The following HECW1 variants were observed in gnomAD, a reference collection of about 807,000 sequenced individuals.
HECW1 encodes the protein HECT, C2 and WW domain containing E3 ubiquitin protein ligase 1, also known as E3 ubiquitin-protein ligase HECW1.
A neutral mutation model predicts 182.3 loss-of-function variants in HECW1; 61 were observed. That is an observed-to-expected ratio of 0.33 (90% CI 0.27 to 0.41). The LOEUF is 0.41. Ranked by LOEUF, HECW1 falls within the 10% of genes least tolerant of loss-of-function variation. HECW1 has a pLI of 1.00. For synonymous variants in HECW1, 859 were observed against 832.6 expected (o/e 1.03, Z -0.55); for missense variants, 1,739 against 2,108.9 (o/e 0.82, Z 3.44).
chr7:43,452,010 A>G (rs1236455577), intron 12 of HECW1, among the ~76,000 whole-genome samples: 1 of 152,204 alleles, frequency 6.6e-6, no homozygotes, highest in African/African-American at 2.4e-5. Flanking sequence ...TTCAACTGTA[A>G]TTTATTGGTG....
intron 3 of HECW1, 114 bp downstream of exon 3, chr7:43,244,046 A>G: frequency 1.2e-6 from 1 of 837,676 alleles, no homozygotes; most frequent in Non-Finnish European, 2.1e-6. Flanking sequence ...CCAGCCCAGG[A>G]ATTATCTCAA....
chr7:43,342,647 C>A lies in HECW1; in HGVS notation c.461-18239C>A, dbSNP rs147756564. 1.8e-3 allele frequency among the ~76,000 whole-genome samples: 266 copies of A among 151,398 alleles called. 1 individual carries two copies. The highest frequency in any genetic ancestry group is 2.7e-3 in the South Asian group (13 of 4,826). ...ATTATAGCTTTTTTGGTTAAAATTG[C>A]TTTTCTTGGGGTTTGAGGATATAGT... On this transcript the variant is annotated intron_variant, in intron 5 of 29. Transcript: ENST00000395891.
intron 3 of HECW1, among the ~76,000 whole-genome samples, chr7:43,284,240 G>A (rs1478300438): frequency 6.6e-6 from 1 of 152,126 alleles, no homozygotes; most frequent in African/African-American, 2.4e-5. Flanking sequence ...ATTGACAAAT[G>A]AAAATCATAT....
At chr7:43,513,602 A>C (rs1352140850) in intron 24 of HECW1, among the ~76,000 whole-genome samples, 2 of 152,138 alleles carry the variant, frequency 1.3e-5, no homozygotes, top group African/African-American at 4.8e-5. Flanking sequence ...GTTGAGACAT[A>C]CGAATATGAA....
chr7:43,474,638 G>A (rs2078153788), intron 16 of HECW1, among the ~76,000 whole-genome samples: 2 of 152,120 alleles, frequency 1.3e-5, no homozygotes, highest in Admixed American at 6.5e-5. Flanking sequence ...GTAGGAAAAT[G>A]TGTTTTATAT....
At chr7:43,344,372 A>G (rs1344727177) in intron 5 of HECW1, among the ~76,000 whole-genome samples, 1 of 150,436 alleles carries the variant, frequency 6.6e-6, no homozygotes, top group Non-Finnish European at 1.5e-5. Context: ...GTTGACAGAT[A>G]TCTCCTTTCA....
chr7:43,149,136 T>G (rs1789026124), intron 2 of HECW1, among the ~76,000 whole-genome samples: 1 of 152,128 alleles, frequency 6.6e-6, no homozygotes, highest in Non-Finnish European at 1.5e-5. Context: ...TTGCATAGTA[T>G]CAATGTATCT....
chr7:43,319,517 C>T (rs1337571603), intron 4 of HECW1, among the ~76,000 whole-genome samples: 2 of 148,728 alleles, frequency 1.3e-5, no homozygotes, highest in African/African-American at 4.9e-5. Flanking sequence ...TCAGTGCTCT[C>T]CTGACCACCC....
chr7:43,416,268 G>A (rs2075991579), intron 8 of HECW1, among the ~76,000 whole-genome samples: 1 of 150,884 alleles, frequency 6.6e-6, no homozygotes, highest in African/African-American at 2.5e-5. Context: ...TCAGCTGCAG[G>A]TCTGTTGGAG....
intron 5 of HECW1, among the ~76,000 whole-genome samples, chr7:43,346,779 T>C (rs1441618017): frequency 6.6e-6 from 1 of 152,234 alleles, no homozygotes; most frequent in African/African-American, 2.4e-5. Context: ...TTTTGTTTGC[T>C]TTGTGGAAGA....
intron 24 of HECW1, among the ~76,000 whole-genome samples, chr7:43,538,006 G>C (rs1340802761): frequency 6.6e-6 from 1 of 152,206 alleles, no homozygotes; most frequent in African/African-American, 2.4e-5. Context: ...CGCTGGTTGA[G>C]AGTGGTCCTT....
At chr7:43,358,146 G>A (rs1036324422) in intron 5 of HECW1, among the ~76,000 whole-genome samples, 25 of 152,124 alleles carry the variant, frequency 1.6e-4, no homozygotes, top group African/African-American at 5.6e-4. Flanking sequence ...TGAAGGTGAG[G>A]CCATTTGGCC....
chr7:43,319,247 C>T (rs1409722475), intron 4 of HECW1, among the ~76,000 whole-genome samples: 21 of 151,356 alleles, frequency 1.4e-4, no homozygotes, highest in African/African-American at 2.9e-4. Flanking sequence ...ATTAGCCGGG[C>T]GCGGTGGCGG....
chr7:43,410,955 CTT>C (rs1012274860), intron 8 of HECW1, among the ~76,000 whole-genome samples: 1 of 151,048 alleles, frequency 6.6e-6, no homozygotes, highest in African/African-American at 2.4e-5. Flanking sequence ...AGAACTAGCT[CTT>C]GACATCATTT....
At chr7:43,290,019 A>T (rs997080767) in intron 3 of HECW1, among the ~76,000 whole-genome samples, 5 of 152,252 alleles carry the variant, frequency 3.3e-5, no homozygotes, top group Non-Finnish European at 5.9e-5. Flanking sequence ...TTTGTTATGT[A>T]GATGAAGCCT....
rs150671700 is a variant in HECW1, at chr7:43,244,583, G to A, written c.27+651G>A. ...TGAGCTCCCCATGAGCTCCTCTCCT[G>A]AGAGGTAGGTATGATCATTGTCCCC... On this transcript the variant is annotated intron_variant, in intron 3 of 29. Coordinates refer to ENST00000395891, the MANE Select transcript of HECW1 (RefSeq NM_015052.5). Among the ~76,000 whole-genome samples the A allele has an allele frequency of 4.1e-4, 62 of 152,312 alleles. No homozygotes were observed. In the East Asian group the frequency reaches 0.011, roughly 28 times the overall value.
intron 27 of HECW1, among the ~76,000 whole-genome samples, chr7:43,551,133 T>C (rs1189935697): frequency 6.6e-6 from 1 of 152,176 alleles, no homozygotes; most frequent in Non-Finnish European, 1.5e-5. Flanking sequence ...TCTTGGGTCG[T>C]GGAAGGCTCT....
intron 12 of HECW1, among the ~76,000 whole-genome samples, chr7:43,451,618 A>C (rs972111054): frequency 6.6e-6 from 1 of 152,218 alleles, no homozygotes; most frequent in African/African-American, 2.4e-5. Flanking sequence ...AAATGTCTCC[A>C]TCTGCTCAAT....
chr7:43,460,621 A>T (rs1355615187), intron 13 of HECW1, among the ~76,000 whole-genome samples: 1 of 152,112 alleles, frequency 6.6e-6, no homozygotes, highest in Non-Finnish European at 1.5e-5. Flanking sequence ...GCTAATTTTC[A>T]TTAGCCCTCT....
Sources: gnomAD v4.1 joint callset for allele counts (sites outside exome capture counted in the v4.1 genomes callset) on GRCh38, gnomAD v4.1.1 for gene constraint, MANE v1.5 for transcripts, NCBI Gene and HGNC (gene_info 2026-07-23, HGNC 2026-07-21) for gene names.